Variants in PDE9A observed in about 807,000 individuals in gnomAD.
PDE9A encodes high affinity cGMP-specific 3',5'-cyclic phosphodiesterase 9A.
A neutral mutation model predicts 87.4 loss-of-function variants in PDE9A; 60 were observed. The observed-to-expected ratio is 0.69, with a 90% CI of 0.56 to 0.85. The LOEUF is 0.85. Among genes scored for constraint, PDE9A ranks in the 40% least tolerant of loss-of-function variants. The pLI, the probability that PDE9A is intolerant of heterozygous loss-of-function variation, is 0.00. For missense variants in PDE9A, 665 were observed against 779.0 expected (o/e 0.85, Z 1.74); for synonymous variants, 272 against 279.4 (o/e 0.97, Z 0.27).
intron 17 of PDE9A, among the ~76,000 whole-genome samples, chr21:42,770,145 T>G (rs2147208507): frequency 6.6e-6 from 1 of 151,330 alleles, no homozygotes; most frequent in East Asian, 2.0e-4. Context: ...CCTTGCTCCT[T>G]GCACACAGCT....
chr21:42,693,892 C>A (rs2060005848), intron 3 of PDE9A, among the ~76,000 whole-genome samples: 1 of 152,148 alleles, frequency 6.6e-6, no homozygotes, highest in African/African-American at 2.4e-5. Context: ...ATGCCCAGCC[C>A]ACCCAGGAAT....
chr21:42,769,528 GCACA>G (rs557016652), intron 17 of PDE9A, among the ~76,000 whole-genome samples: 10 of 90,404 alleles, frequency 1.1e-4, no homozygotes, highest in African/African-American at 4.6e-4. Context: ...AGGCACACAG[GCACA>G]CACAGGCACA....
In PDE9A at chr21:42,705,025, G is replaced by A. The variant is rs1759512074; in HGVS notation, c.262+6014G>A. Among the ~76,000 whole-genome samples, 1 of 152,244 alleles carries A rather than the reference G, an allele frequency of 6.6e-6. No individual in the cohort carries two copies. Among genetic ancestry groups the A allele is most frequent in the African/African-American group, 2.4e-5 (1 of 41,468 alleles). On this transcript the variant is annotated intron_variant, in intron 4 of 19. Coordinates refer to ENST00000291539, the MANE Select transcript of PDE9A (RefSeq NM_002606.3). The surrounding 1 kb of genome is among the most constrained non-coding windows in gnomAD (Gnocchi z 4.3). Reference sequence around the variant, plus strand: ...GCCCTGGCCTGGGTCCACAACCCCAGTGTGAGCTGCAGAGACTTCTCTGGA... The same window carrying A: ...GCCCTGGCCTGGGTCCACAACCCCAATGTGAGCTGCAGAGACTTCTCTGGA...
At chr21:42,685,265 A>G (rs1443519120) in intron 1 of PDE9A, among the ~76,000 whole-genome samples, 2 of 152,358 alleles carry the variant, frequency 1.3e-5, no homozygotes, top group African/African-American at 2.4e-5. Flanking sequence ...GAAGATGCGG[A>G]TGCTAACCCG....
chr21:42,700,395 C>T (rs190647350), intron 4 of PDE9A, among the ~76,000 whole-genome samples: 309 of 151,978 alleles, frequency 2.0e-3, no homozygotes, highest in Non-Finnish European at 3.3e-3. Context: ...ATACCTATAA[C>T]CTTGCCAACT....
chr21:42,759,094 C>T lies in PDE9A; in HGVS notation c.897+9C>T, dbSNP rs2055391802. 1.9e-6 allele frequency: 3 copies of T among 1,605,106 alleles called. No homozygotes were observed. Among genetic ancestry groups the T allele is most frequent in the South Asian group, 2.2e-5 (2 of 90,878 alleles). On this transcript the variant is annotated intron_variant, in intron 11 of 19. Coordinates refer to ENST00000291539, the MANE Select transcript of PDE9A (RefSeq NM_002606.3). This position sits in a 1 kb window ranked among gnomAD's most constrained non-coding sequence, Gnocchi z 7.2. The stretch of plus-strand genomic sequence containing the variant: ...CCCTCAGGAGGTGGCTGGTGAGTGC[C>T]AAACCCGCCTTCGGTTCTTCCTGGG...
intron 1 of PDE9A, among the ~76,000 whole-genome samples, chr21:42,664,419 G>T (rs1228093354): frequency 6.6e-6 from 1 of 152,230 alleles, no homozygotes; most frequent in Admixed American, 6.5e-5. Context: ...CAGGGAGACA[G>T]TTGCAGCAGA....
rs1214617878 is a variant in PDE9A at position 42,705,295 on chromosome 21, G to A, written c.262+6284G>A. 6.6e-6 allele frequency among the ~76,000 whole-genome samples: 1 copy of A among 152,200 alleles called. No homozygotes were observed. Among genetic ancestry groups the A allele is most frequent in the East Asian group, 1.9e-4 (1 of 5,198 alleles). ...AGGCTTCTCAGCATCTTTTTATAAC[G>A]ATAGTGCTGATTTTTTGGAAAATCC... On this transcript the variant is annotated intron_variant, in intron 4 of 19. Transcript: ENST00000291539. This position sits in a 1 kb window ranked among gnomAD's most constrained non-coding sequence, Gnocchi z 4.3.
At chr21:42,775,245 CA>C (rs762330815) in intron 19 of PDE9A, 34 bp from the exon 20 acceptor site, 5 of 1,610,608 alleles carry the variant, frequency 3.1e-6, no homozygotes, top group Non-Finnish European at 4.2e-6. Flanking sequence ...CTAATTCTAA[CA>C]AAAACAAATC....
rs1303406089 is a variant in PDE9A, at chr21:42,705,206, G to A, written c.262+6195G>A. On this transcript the variant is annotated intron_variant, in intron 4 of 19. Coordinates refer to ENST00000291539, the MANE Select transcript of PDE9A (RefSeq NM_002606.3). This position sits in a 1 kb window ranked among gnomAD's most constrained non-coding sequence, Gnocchi z 4.3. The stretch of plus-strand genomic sequence containing the variant: ...CCTGATCATGGGAGGGAATCAAATG[G>A]ATAGAGCATTTATCCCTTTTGTGAC... 6.6e-6 allele frequency among the ~76,000 whole-genome samples: 1 copy of A among 152,192 alleles called. No individual in the cohort carries two copies. The highest frequency in any genetic ancestry group is 1.5e-5 in the Non-Finnish European group (1 of 68,046).
intron 1 of PDE9A, among the ~76,000 whole-genome samples, chr21:42,672,749 C>T (rs2058632715): frequency 6.6e-6 from 1 of 152,234 alleles, no homozygotes; most frequent in Non-Finnish European, 1.5e-5. Context: ...CTTATTAACG[C>T]ATATGTGTTT....
chr21:42,688,464 A>G (rs950398482), intron 3 of PDE9A, among the ~76,000 whole-genome samples: 2 of 152,228 alleles, frequency 1.3e-5, no homozygotes, highest in East Asian at 1.9e-4. Flanking sequence ...AGGCCCAGGA[A>G]GTCAAGAGGA....
At chr21:42,729,944 T>C (rs923006211) in intron 4 of PDE9A, among the ~76,000 whole-genome samples, 2 of 152,220 alleles carry the variant, frequency 1.3e-5, no homozygotes, top group African/African-American at 4.8e-5. Flanking sequence ...TGGTACATGC[T>C]CTGTAGGTGC....
intron 1 of PDE9A, among the ~76,000 whole-genome samples, chr21:42,663,540 G>A (rs2057752187): frequency 6.6e-6 from 1 of 152,226 alleles, no homozygotes. Context: ...ATGTGATGAG[G>A]TTTGAAGTGG....
rs966144174 is a variant in PDE9A, at chr21:42,732,012, G to A, written c.443-58G>A. 30 of 1,611,458 alleles carry A rather than the reference G, an allele frequency of 1.9e-5. No homozygotes were observed. In the African/African-American group the frequency reaches 3.7e-4, roughly 20 times the overall value. On this transcript the variant is annotated intron_variant, in intron 5 of 19. Transcript: ENST00000291539. The stretch of plus-strand genomic sequence containing the variant: ...AACACGTGGGATTCGGGCTGCAATG[G>A]CCTACACATCTTTTCCTCTTGTCCG...
At chr21:42,654,541 G>C (rs1388851528) in intron 1 of PDE9A, among the ~76,000 whole-genome samples, 3 of 152,216 alleles carry the variant, frequency 2.0e-5, no homozygotes, top group Non-Finnish European at 4.4e-5. Flanking sequence ...GAGCGCGCCG[G>C]CTTGGAAGGG....
chr21:42,775,371 C>T lies in PDE9A; in HGVS notation c.*78C>T. ...GATCCTTGTGCAGGGAAGAGCTGCC[C>T]TGGGCACCTGGCACCACAAGACCAT... On this transcript the variant is annotated 3_prime_UTR_variant, in exon 20 of 20. Coordinates refer to ENST00000291539, the MANE Select transcript of PDE9A (RefSeq NM_002606.3). The T allele has an allele frequency of 8.0e-7, 1 of 1,255,758 alleles. No homozygotes were observed. The highest frequency in any genetic ancestry group is 1.1e-6 in the Non-Finnish European group (1 of 892,576). The allele number at this position is 1,255,758 out of a possible 1,614,324, so 77.8% of individuals were successfully genotyped here. A position where few individuals can be genotyped will look rare whatever the true frequency, so the allele number is the denominator to read the frequency against.
intron 16 of PDE9A, 91 bp downstream of exon 16, chr21:42,768,383 C>A: frequency 9.7e-7 from 1 of 1,027,268 alleles, no homozygotes. Context: ...CCTGGGTGGT[C>A]CCGCATATTC....
chr21:42,732,047 T>C, intron 5 of PDE9A, 23 bp from the exon 6 acceptor site: 1 of 1,613,930 alleles, frequency 6.2e-7, no homozygotes, highest in Non-Finnish European at 8.5e-7. Flanking sequence ...GTGTTCCATC[T>C]GTCTTTCTTC....
Sources: gnomAD v4.1 joint callset for allele counts (sites outside exome capture counted in the v4.1 genomes callset) on GRCh38, gnomAD v4.1.1 for gene constraint, Gnocchi (gnomAD v3.1) non-coding constraint, MANE v1.5 for transcripts, NCBI Gene and HGNC (gene_info 2026-07-23, HGNC 2026-07-21) for gene names.